CSMD1: variants seen among roughly 807,000 people sequenced by gnomAD.
CSMD1 encodes the protein CUB and sushi domain-containing protein 1.
Under a neutral mutation model 417.5 loss-of-function variants are expected in CSMD1, and 213 were observed. The observed-to-expected ratio is 0.51, with a 90% confidence interval of 0.46 to 0.57. The LOEUF is 0.57. Among genes scored for constraint, CSMD1 ranks in the 20% least tolerant of loss-of-function variants. CSMD1 has a pLI of 0.00. For synonymous variants in CSMD1, 2,862 were observed against 1,736.8 expected (o/e 1.65, Z -16.11); for missense variants, 6,923 against 4,529.7 (o/e 1.53, Z -15.17).
intron 49 of CSMD1, among the ~76,000 whole-genome samples, chr8:3,075,660 G>A (rs1211600850): frequency 6.6e-6 from 1 of 152,012 alleles, no homozygotes; most frequent in Non-Finnish European, 1.5e-5. Context: ...CTTTATATCA[G>A]TTTTGTGGGT....
At chr8:4,961,666 T>A (rs1166252928) in intron 1 of CSMD1, among the ~76,000 whole-genome samples, 6 of 152,158 alleles carry the variant, frequency 3.9e-5, no homozygotes, top group Non-Finnish European at 7.3e-5. Flanking sequence ...CCCTACAAGT[T>A]GTATAGAGTA....
intron 7 of CSMD1, among the ~76,000 whole-genome samples, chr8:3,641,461 G>C (rs1013371894): frequency 6.6e-6 from 1 of 152,166 alleles, no homozygotes; most frequent in South Asian, 2.1e-4. Context: ...TCAGTAAGTG[G>C]TTTTTAGCTG....
Position 3,469,270 on chromosome 8 carries a change from T to C in CSMD1, c.1449-446A>G, listed in dbSNP as rs139021121. 1.8e-3 allele frequency: 273 copies of C among 153,478 alleles called. 6 individuals are homozygous for C. In the East Asian group the frequency reaches 0.04, roughly 22 times the overall value. 9.5% of individuals were successfully genotyped at this position (153,478 alleles called of 1,614,324 possible). The stretch of plus-strand genomic sequence containing the variant: ...AGCATCTCTATCACAACAAATTGTA[T>C]GGGTTCATTCACAAAAGGTTTTCAT... On this transcript the variant is annotated intron_variant, in intron 11 of 69. Transcript: ENST00000635120.
Position 4,741,027 on chromosome 8 carries a change from C to T in CSMD1, c.86-103469G>A, listed in dbSNP as rs148219287. 2.7e-3 allele frequency among the ~76,000 whole-genome samples: 417 copies of T among 152,094 alleles called. 2 individuals are homozygous for T. The highest frequency in any genetic ancestry group is 9.2e-3 in the African/African-American group (381 of 41,492). ...AAATAATTTACTAGAACCGAAAGTC[C>T]TAGTAATTGCTTTAATCAATTTTCT... On this transcript the variant is annotated intron_variant, in intron 1 of 69. Transcript: ENST00000635120.
chr8:4,354,540 G>A (rs1216049099), intron 3 of CSMD1, among the ~76,000 whole-genome samples: 1 of 152,088 alleles, frequency 6.6e-6, no homozygotes, highest in Non-Finnish European at 1.5e-5. Context: ...TGGAAAAGCT[G>A]GTGGCTGCAT....
intron 2 of CSMD1, among the ~76,000 whole-genome samples, chr8:4,486,373 A>G (rs1267641842): frequency 6.6e-6 from 1 of 150,548 alleles, no homozygotes. Context: ...TTAAACATGT[A>G]TATCTCCTTC....
intron 3 of CSMD1, among the ~76,000 whole-genome samples, chr8:4,409,078 G>A (rs1203752326): frequency 6.6e-6 from 1 of 152,172 alleles, no homozygotes; most frequent in African/African-American, 2.4e-5. Context: ...TTGGATAGCA[G>A]ACTGTGAAGC....
intron 7 of CSMD1, among the ~76,000 whole-genome samples, chr8:3,641,024 CTTTTTTTTT>C (rs34851559): frequency 3.1e-3 from 315 of 102,778 alleles, no homozygotes; most frequent in African/African-American, 0.012. Context: ...TCCTTTTTTC[CTTTTTTTTT>C]TTTTTTTTTT....
At chr8:4,469,575 T>C (rs756653377) in intron 2 of CSMD1, among the ~76,000 whole-genome samples, 11 of 152,284 alleles carry the variant, frequency 7.2e-5, no homozygotes, top group South Asian at 6.2e-4. Flanking sequence ...CAGTAGCTTG[T>C]GCAAACACCT....
intron 4 of CSMD1, among the ~76,000 whole-genome samples, chr8:4,000,589 C>A (rs562345711): frequency 1.3e-5 from 2 of 152,244 alleles, no homozygotes; most frequent in East Asian, 3.9e-4. Flanking sequence ...TTTCTTTAAA[C>A]GCAAATATAA....
chr8:3,859,017 G>A (rs998567789), intron 5 of CSMD1, among the ~76,000 whole-genome samples: 1 of 152,188 alleles, frequency 6.6e-6, no homozygotes, highest in Non-Finnish European at 1.5e-5. Flanking sequence ...GCTATGAAGT[G>A]TTCCCTAAAA....
intron 3 of CSMD1, among the ~76,000 whole-genome samples, chr8:4,327,709 T>G (rs188823041): frequency 5.3e-5 from 8 of 152,326 alleles, no homozygotes; most frequent in African/African-American, 1.9e-4. Flanking sequence ...GTATTAGAAG[T>G]TTAAAATGAA....
At chr8:4,448,804 G>C (rs547188492) in intron 2 of CSMD1, among the ~76,000 whole-genome samples, 1 of 152,268 alleles carries the variant, frequency 6.6e-6, no homozygotes, top group Admixed American at 6.5e-5. Flanking sequence ...GAAGGAGACA[G>C]AAACCTAATT....
chr8:4,290,608 G>T (rs1384267439), intron 3 of CSMD1, among the ~76,000 whole-genome samples: 1 of 152,162 alleles, frequency 6.6e-6, no homozygotes, highest in Admixed American at 6.5e-5. Context: ...CCAAGGACAG[G>T]TAGATGCTGT....
At chr8:3,174,769 T>C (rs1001355588) in intron 37 of CSMD1, among the ~76,000 whole-genome samples, 1 of 152,202 alleles carries the variant, frequency 6.6e-6, no homozygotes, top group Non-Finnish European at 1.5e-5. Flanking sequence ...TATAGCTTTC[T>C]CTTTGGTTGG....
chr8:3,922,619 T>C (rs1485410739), intron 5 of CSMD1, among the ~76,000 whole-genome samples: 1 of 152,182 alleles, frequency 6.6e-6, no homozygotes, highest in Non-Finnish European at 1.5e-5. Context: ...GTCTATTTTG[T>C]GGCTGATAAA....
intron 1 of CSMD1, among the ~76,000 whole-genome samples, chr8:4,859,991 C>G (rs986830079): frequency 3.3e-5 from 5 of 151,972 alleles, no homozygotes; most frequent in South Asian, 2.1e-4. Flanking sequence ...TTCACGATAG[C>G]AAAGACTTGG....
intron 2 of CSMD1, among the ~76,000 whole-genome samples, chr8:4,620,514 G>C (rs190127519): frequency 6.6e-6 from 1 of 151,450 alleles, no homozygotes; most frequent in Non-Finnish European, 1.5e-5. Flanking sequence ...TAAAAGACAA[G>C]GAAAACATGT....
chr8:4,469,009 A>T (rs766487106), intron 2 of CSMD1, among the ~76,000 whole-genome samples: 2 of 152,214 alleles, frequency 1.3e-5, no homozygotes, highest in Non-Finnish European at 2.9e-5. Context: ...CTCTAAAAGG[A>T]AAAAAAGTTC....
Sources: gnomAD v4.1 joint callset for allele counts (sites outside exome capture counted in the v4.1 genomes callset) on GRCh38, gnomAD v4.1.1 for gene constraint, MANE v1.5 for transcripts, NCBI Gene and HGNC (gene_info 2026-07-23, HGNC 2026-07-21) for gene names.